Variants in ESRRG observed in about 807,000 individuals in gnomAD.
ESRRG encodes estrogen related receptor gamma.
A neutral mutation model predicts 44.0 loss-of-function variants in ESRRG; 13 were observed. The observed-to-expected ratio is 0.30, with a 90% CI of 0.19 to 0.47. ESRRG has a LOEUF of 0.47. Ranked by LOEUF, ESRRG falls within the 20% of genes least tolerant of loss-of-function variation. ESRRG has a pLI of 1.00. For synonymous variants in ESRRG, 215 were observed against 214.6 expected (o/e 1.00, Z -0.02); for missense variants, 395 against 580.6 (o/e 0.68, Z 3.29).
intron 2 of ESRRG, among the ~76,000 whole-genome samples, chr1:216,746,437 T>C (rs1220582674): frequency 6.6e-6 from 1 of 152,288 alleles, no homozygotes; most frequent in East Asian, 1.9e-4. Context: ...ATATATATAG[T>C]GTTTTATATC....
intron 2 of ESRRG, among the ~76,000 whole-genome samples, chr1:216,896,411 G>T (rs958529559): frequency 6.6e-6 from 1 of 152,146 alleles, no homozygotes; most frequent in Non-Finnish European, 1.5e-5. Context: ...TTTATAGGCT[G>T]ATTTGATAGC....
At chr1:216,555,100 C>G (rs2057250690) in intron 5 of ESRRG, among the ~76,000 whole-genome samples, 3 of 152,140 alleles carry the variant, frequency 2.0e-5, no homozygotes, top group African/African-American at 4.8e-5. Context: ...TTTCTTGAAC[C>G]TGGTGGTTAC....
chr1:217,097,166 C>T (rs1172691085), intron 1 of ESRRG, among the ~76,000 whole-genome samples: 1 of 152,148 alleles, frequency 6.6e-6, no homozygotes, highest in Non-Finnish European at 1.5e-5. Flanking sequence ...GGATTCCTAT[C>T]CAGAACATGA....
chr1:217,120,422 A>G (rs2092803620), intron 1 of ESRRG, among the ~76,000 whole-genome samples: 1 of 151,368 alleles, frequency 6.6e-6, no homozygotes, highest in Non-Finnish European at 1.5e-5. Flanking sequence ...ATCAGCTAAT[A>G]CTCAAATTCA....
intron 1 of ESRRG, among the ~76,000 whole-genome samples, chr1:216,710,021 A>C (rs1282765266): frequency 6.6e-6 from 1 of 152,168 alleles, no homozygotes; most frequent in Non-Finnish European, 1.5e-5. Context: ...AAAAAAAGAG[A>C]AAATGAGTGC....
At chr1:216,740,898 T>TTATATA (rs11572657) in intron 2 of ESRRG, among the ~76,000 whole-genome samples, 1 of 150,018 alleles carries the variant, frequency 6.7e-6, no homozygotes, top group Admixed American at 6.6e-5. Context: ...CAAAATGGGA[T>TTATATA]TATATATACA....
At chr1:216,898,596 C>T (rs11117718) in intron 2 of ESRRG, among the ~76,000 whole-genome samples, 9,496 of 151,948 alleles carry the variant, frequency 0.062, 406 homozygotes, top group East Asian at 0.11. Context: ...CCAGCCTAGG[C>T]GACAAAGCGA....
At chr1:217,079,458 A>G (rs2091573038) in intron 1 of ESRRG, among the ~76,000 whole-genome samples, 1 of 152,210 alleles carries the variant, frequency 6.6e-6, no homozygotes, top group Non-Finnish European at 1.5e-5. Context: ...GAATTATCCA[A>G]GGTGTTTGCT....
At chr1:216,839,663 A>G (rs1381714865) in intron 2 of ESRRG, among the ~76,000 whole-genome samples, 3 of 152,164 alleles carry the variant, frequency 2.0e-5, no homozygotes, top group Non-Finnish European at 4.4e-5. Flanking sequence ...ATTCATCAAC[A>G]TGTCCATCTC....
At chr1:217,024,281 C>T (rs1265845018) in intron 1 of ESRRG, among the ~76,000 whole-genome samples, 1 of 151,972 alleles carries the variant, frequency 6.6e-6, no homozygotes, top group Non-Finnish European at 1.5e-5. Flanking sequence ...TGGCGTGAAC[C>T]CGGGAGGTGG....
chr1:216,948,967 T>C (rs1367007766), intron 1 of ESRRG, among the ~76,000 whole-genome samples: 1 of 152,120 alleles, frequency 6.6e-6, no homozygotes, highest in Non-Finnish European at 1.5e-5. Flanking sequence ...AGTTCTAGTT[T>C]ATGGGACCTC....
chr1:216,673,253 A>G lies in ESRRG; in HGVS notation c.472+3823T>C, dbSNP rs2075528261. Among the ~76,000 whole-genome samples, 3 of 152,236 alleles carry G rather than the reference A, an allele frequency of 2.0e-5. No individual in the cohort carries two copies. In the South Asian group the frequency reaches 6.2e-4, roughly 31 times the overall value. ...ACTGCTATCACTACCGTATTTGGCC[A>G]CAGAAAGGAGGGGCCGTTCCAATCT... is the stretch of plus-strand genomic sequence containing the variant. On this transcript the variant is annotated intron_variant, in intron 2 of 6. Coordinates refer to ENST00000408911, the MANE Select transcript of ESRRG (RefSeq NM_001438.4).
At chr1:216,641,549 C>T (rs1472555606) in intron 3 of ESRRG, among the ~76,000 whole-genome samples, 4 of 152,214 alleles carry the variant, frequency 2.6e-5, no homozygotes, top group African/African-American at 4.8e-5. Flanking sequence ...TTCCTCTCTA[C>T]AAAAGCACAA....
intron 1 of ESRRG, among the ~76,000 whole-genome samples, chr1:216,684,903 T>C (rs1028219052): frequency 2.0e-5 from 3 of 152,242 alleles, no homozygotes; most frequent in African/African-American, 7.2e-5. Flanking sequence ...TTTGCCCTAA[T>C]GCAGCTTAAT....
intron 3 of ESRRG, among the ~76,000 whole-genome samples, chr1:216,597,569 C>T (rs2058622603): frequency 6.6e-6 from 1 of 152,150 alleles, no homozygotes; most frequent in Admixed American, 6.5e-5. Context: ...TACTCAGGTA[C>T]CCTAGCTGTA....
chr1:217,128,214 A>T (rs1362087601), intron 1 of ESRRG, among the ~76,000 whole-genome samples: 3 of 152,252 alleles, frequency 2.0e-5, no homozygotes, highest in South Asian at 4.1e-4. Context: ...TAAAATGAAG[A>T]TCTCATCCAA....
chr1:216,812,803 C>G (rs2095017618), intron 2 of ESRRG, among the ~76,000 whole-genome samples: 1 of 152,156 alleles, frequency 6.6e-6, no homozygotes, highest in Non-Finnish European at 1.5e-5. Flanking sequence ...CTTGAATAAA[C>G]ATCCAAGAAG....
intron 5 of ESRRG, among the ~76,000 whole-genome samples, chr1:216,531,445 G>T (rs1024926963): frequency 1.3e-5 from 2 of 152,000 alleles, no homozygotes; most frequent in African/African-American, 4.8e-5. Context: ...CTTGGCATAC[G>T]TTCCACTGGG....
chr1:216,799,376 A>T (rs753459185), intron 2 of ESRRG, among the ~76,000 whole-genome samples: 1 of 152,006 alleles, frequency 6.6e-6, no homozygotes, highest in Non-Finnish European at 1.5e-5. Flanking sequence ...AGCTTTATAC[A>T]TCCCAAGACA....
Sources: gnomAD v4.1 joint callset for allele counts (sites outside exome capture counted in the v4.1 genomes callset) on GRCh38, gnomAD v4.1.1 for gene constraint, MANE v1.5 for transcripts, NCBI Gene and HGNC (gene_info 2026-07-23, HGNC 2026-07-21) for gene names.